The following CACNB4 variants were observed in gnomAD, a reference collection of about 807,000 sequenced individuals.
The protein encoded by CACNB4 is calcium voltage-gated channel auxiliary subunit beta 4.
Under a neutral mutation model 71.2 loss-of-function variants are expected in CACNB4, and 32 were observed. That is an observed-to-expected ratio of 0.45 (90% confidence interval 0.34 to 0.60). The LOEUF is 0.60. CACNB4 is among the 20% of genes least tolerant of loss of function. The pLI, the probability that CACNB4 is intolerant of heterozygous loss-of-function variation, is 0.01. For missense variants in CACNB4, 464 were observed against 647.9 expected, an observed-to-expected ratio of 0.72 and a Z score of 3.08; for synonymous variants, 231 against 236.9, an observed-to-expected ratio of 0.97 and a Z score of 0.23.
At chr2:152,048,812 T>G (rs1348130745) in intron 2 of CACNB4, 4 of 152,222 alleles carry the variant, frequency 2.6e-5, no homozygotes, top group African/African-American at 9.6e-5. Flanking sequence ...TCTTAGCCCT[T>G]CTCTGAGGTT....
chr2:151,956,504 A>G (rs558074227), intron 2 of CACNB4, among the ~76,000 whole-genome samples: 14 of 152,228 alleles, frequency 9.2e-5, no homozygotes, highest in African/African-American at 3.1e-4. Flanking sequence ...GCACAAACAC[A>G]CCCTAGGGCT....
intron 12 of CACNB4, among the ~76,000 whole-genome samples, chr2:151,845,403 C>T (rs1026258878): frequency 6.6e-6 from 1 of 152,208 alleles, no homozygotes; most frequent in African/African-American, 2.4e-5. Flanking sequence ...GCCTGTATAT[C>T]TGTGACAATT....
intron 2 of CACNB4, among the ~76,000 whole-genome samples, chr2:152,010,377 GA>G (rs747438641): frequency 5.3e-5 from 8 of 152,342 alleles, no homozygotes; most frequent in Non-Finnish European, 1.2e-4. Flanking sequence ...GTTTAACGTG[GA>G]AGGCTTTGGG....
chr2:151,839,438 T>G, intron 13 of CACNB4, 59 bp from the exon 14 acceptor site: 1 of 1,305,122 alleles, frequency 7.7e-7, no homozygotes, highest in South Asian at 1.3e-5. Flanking sequence ...TCTAAACATG[T>G]AAATGTATGT....
At chr2:151,964,024 G>A (rs749617242) in intron 2 of CACNB4, among the ~76,000 whole-genome samples, 3 of 143,892 alleles carry the variant, frequency 2.1e-5, no homozygotes, top group African/African-American at 5.2e-5. Flanking sequence ...AGCCAAGATC[G>A]TGCCACTGCA....
At position 151,864,291 on chromosome 2, in the gene CACNB4, A is replaced by T. The variant is rs535159849; in HGVS notation, c.759-3471T>A. Among the ~76,000 whole-genome samples the T allele has an allele frequency of 3.3e-5, 5 of 152,298 alleles. No homozygotes were observed. The East Asian group carries it at 9.7e-4, about 29-fold the overall frequency. ...CAGCGAATGTTCCTGAAAACTAGCA[A>T]ACATCATTCCCTAAATATAGTAAAT... On this transcript the variant is annotated intron_variant, in intron 9 of 13. Coordinates refer to ENST00000539935, the MANE Select transcript of CACNB4 (RefSeq NM_000726.5).
chr2:151,938,807 T>TG (rs777910417), intron 2 of CACNB4, among the ~76,000 whole-genome samples: 51 of 152,192 alleles, frequency 3.4e-4, no homozygotes, highest in Non-Finnish European at 6.2e-4. Context: ...GTAACATAGT[T>TG]GCAAACACAG....
chr2:152,039,168 C>G (rs973992793), intron 2 of CACNB4, among the ~76,000 whole-genome samples: 1 of 152,098 alleles, frequency 6.6e-6, no homozygotes, highest in Non-Finnish European at 1.5e-5. Flanking sequence ...CCTGTAATCC[C>G]AGCACTCTGG....
intron 12 of CACNB4, among the ~76,000 whole-genome samples, chr2:151,847,384 A>G (rs912282493): frequency 2.0e-5 from 3 of 152,000 alleles, no homozygotes; most frequent in South Asian, 2.1e-4. Context: ...AACAAAACAA[A>G]CCATGCACAA....
In CACNB4 at chr2:151,858,164, T is replaced by A. The variant is rs185677245; in HGVS notation, c.868+2547A>T. 10 of 152,314 alleles carry A rather than the reference T, an allele frequency of 6.6e-5. No individual in the cohort carries two copies. The East Asian group carries it at 1.7e-3, about 26-fold the overall frequency. The allele number at this position is 152,314 out of a possible 1,614,324, so 9.4% of individuals were successfully genotyped here. On this transcript the variant is annotated intron_variant, in intron 10 of 13. Coordinates refer to ENST00000539935, the MANE Select transcript of CACNB4 (RefSeq NM_000726.5). ...GGTTCCAAATAAGTTTTCCTCATAA[T>A]CCTATTCCAGTCAAATGGAGCCCTG...
At chr2:151,924,436 C>G (rs1159316571) in intron 2 of CACNB4, among the ~76,000 whole-genome samples, 1 of 150,540 alleles carries the variant, frequency 6.6e-6, no homozygotes, top group African/African-American at 2.5e-5. Flanking sequence ...ATTTATATTG[C>G]CACTATATAA....
rs190312227 is a variant in CACNB4 at position 151,980,198 on chromosome 2, T to G, written c.148-96828A>C. On this transcript the variant is annotated intron_variant, in intron 2 of 13. Coordinates refer to ENST00000539935, the MANE Select transcript of CACNB4 (RefSeq NM_000726.5). ...TAAATGCTTGTTTAGCACCTAATAT[T>G]TCCTCTAAACAAAAATCAGTCAGCT... Among the ~76,000 whole-genome samples, 3 of 152,300 alleles carry G rather than the reference T, an allele frequency of 2.0e-5. No homozygotes were observed. The East Asian group carries it at 5.8e-4, about 29-fold the overall frequency.
chr2:151,966,112 T>C (rs1377694849), intron 2 of CACNB4, among the ~76,000 whole-genome samples: 1 of 152,226 alleles, frequency 6.6e-6, no homozygotes, highest in African/African-American at 2.4e-5. Context: ...AAATTTTGCA[T>C]GTGAAGAAAC....
intron 2 of CACNB4, among the ~76,000 whole-genome samples, chr2:152,003,473 T>A (rs570839934): frequency 7.8e-4 from 119 of 151,686 alleles, no homozygotes; most frequent in African/African-American, 2.7e-3. Flanking sequence ...TCTACAGCTG[T>A]TCTCATAACT....
At chr2:152,073,311 T>A (rs1247812607) in intron 2 of CACNB4, among the ~76,000 whole-genome samples, 1 of 152,136 alleles carries the variant, frequency 6.6e-6, no homozygotes, top group Non-Finnish European at 1.5e-5. Flanking sequence ...ATCTTCCTTG[T>A]CATCCAAGGT....
At chr2:151,928,509 A>G (rs1055740739) in intron 2 of CACNB4, among the ~76,000 whole-genome samples, 1 of 152,218 alleles carries the variant, frequency 6.6e-6, no homozygotes, top group African/African-American at 2.4e-5. Context: ...CACCCTGATT[A>G]TATCTCACCC....
chr2:151,923,106 G>A (rs1172277094), intron 2 of CACNB4, among the ~76,000 whole-genome samples: 1 of 152,228 alleles, frequency 6.6e-6, no homozygotes, highest in East Asian at 1.9e-4. Flanking sequence ...GTGAAATGGA[G>A]AGCACATGAA....
At chr2:152,087,515 T>C (rs1159693312) in intron 2 of CACNB4, among the ~76,000 whole-genome samples, 1 of 150,500 alleles carries the variant, frequency 6.6e-6, no homozygotes, top group African/African-American at 2.5e-5. Context: ...TAAATAAGAA[T>C]ATGATCCATC....
intron 2 of CACNB4, among the ~76,000 whole-genome samples, chr2:152,046,795 G>A (rs189349634): frequency 1.3e-5 from 2 of 152,130 alleles, no homozygotes; most frequent in East Asian, 3.8e-4. Flanking sequence ...TCATCACAGG[G>A]TTATCATCAC....
Sources: allele counts gnomAD v4.1 joint callset (sites outside exome capture counted in the v4.1 genomes callset), GRCh38; gene constraint gnomAD v4.1.1; transcripts MANE v1.5; gene names NCBI Gene and HGNC (gene_info 2026-07-23, HGNC 2026-07-21).